Variants in CSMD3 observed in about 807,000 individuals in gnomAD.
CSMD3 encodes the protein CUB and Sushi multiple domains 3.
CSMD3 carries 177 observed loss-of-function variants against 435.2 expected under a neutral mutation model. That is an observed-to-expected ratio of 0.41 (90% CI 0.36 to 0.46). The LOEUF is 0.46. Among genes scored for constraint, CSMD3 ranks in the 20% least tolerant of loss-of-function variants. The pLI, the probability that CSMD3 is intolerant of heterozygous loss-of-function variation, is 0.34. For synonymous variants in CSMD3, 1,656 were observed against 1,520.5 expected (o/e 1.09, Z -2.07); for missense variants, 4,265 against 4,504.6 (o/e 0.95, Z 1.52).
chr8:112,737,642 T>A (rs1228923087), intron 13 of CSMD3, among the ~76,000 whole-genome samples: 1 of 151,858 alleles, frequency 6.6e-6, no homozygotes, highest in Non-Finnish European at 1.5e-5. Context: ...GTTTGAACAA[T>A]AAATCATATT....
intron 3 of CSMD3, among the ~76,000 whole-genome samples, chr8:113,176,473 C>G (rs920497677): frequency 5.3e-5 from 8 of 152,008 alleles, no homozygotes; most frequent in African/African-American, 1.9e-4. Flanking sequence ...AACCCACCAT[C>G]AAAAAAGATT....
chr8:113,348,980 C>A (rs1326031574), intron 1 of CSMD3, among the ~76,000 whole-genome samples: 1 of 151,846 alleles, frequency 6.6e-6, no homozygotes, highest in East Asian at 1.9e-4. Context: ...TACTGGTTTA[C>A]TATTTGGTAT....
chr8:113,291,807 A>C (rs1053917624), intron 2 of CSMD3, among the ~76,000 whole-genome samples: 20 of 152,064 alleles, frequency 1.3e-4, no homozygotes, highest in African/African-American at 4.8e-4. Context: ...TATTCTACAC[A>C]AAAAAACTAA....
intron 1 of CSMD3, among the ~76,000 whole-genome samples, chr8:113,415,933 C>T (rs1563800544): frequency 1.3e-5 from 2 of 152,156 alleles, no homozygotes; most frequent in South Asian, 2.1e-4. Context: ...TTTACATTAA[C>T]TGCTATATGC....
rs201747295 is a variant in CSMD3 at position 113,324,508 on chromosome 8, C to CA, written c.179-9716dup. The stretch of plus-strand genomic sequence containing the variant: ...CCATGTGGTGTTGAGCCTGAGAGTG[C>CA]ACAGAAGTAAAGAACTGGGGTTTGG... On this transcript the variant is annotated intron_variant, in intron 1 of 70. Coordinates refer to ENST00000297405, the MANE Select transcript of CSMD3 (RefSeq NM_198123.2). 1.5e-4 allele frequency among the ~76,000 whole-genome samples: 23 copies of CA among 152,254 alleles called. No homozygotes were observed. The East Asian group carries it at 3.7e-3, about 24-fold the overall frequency.
At chr8:112,705,664 C>A (rs1279132547) in intron 13 of CSMD3, among the ~76,000 whole-genome samples, 1 of 151,956 alleles carries the variant, frequency 6.6e-6, no homozygotes, top group Admixed American at 6.6e-5. Flanking sequence ...ATAATCTCTG[C>A]CCTTAAAAAG....
intron 22 of CSMD3, among the ~76,000 whole-genome samples, chr8:112,587,734 T>C (rs1163901729): frequency 6.6e-6 from 1 of 151,892 alleles, no homozygotes; most frequent in African/African-American, 2.4e-5. Context: ...GGGAATCAAA[T>C]ATTACATTAT....
intron 53 of CSMD3, among the ~76,000 whole-genome samples, chr8:112,298,631 A>T (rs1820575985): frequency 1.3e-5 from 2 of 152,180 alleles, no homozygotes. Flanking sequence ...CCTACAATTC[A>T]TAACAAAAAG....
chr8:112,547,786 C>CAGAG (rs143314530), intron 27 of CSMD3, among the ~76,000 whole-genome samples: 2 of 151,238 alleles, frequency 1.3e-5, no homozygotes, highest in African/African-American at 4.8e-5. Flanking sequence ...TGGAAAGCAG[C>CAGAG]AGAGAGAGAG....
chr8:112,275,876 G>A (rs1309994016), intron 59 of CSMD3, among the ~76,000 whole-genome samples: 1 of 152,056 alleles, frequency 6.6e-6, no homozygotes, highest in Non-Finnish European at 1.5e-5. Flanking sequence ...TTCCAAGCGT[G>A]GCCCCTCACA....
At chr8:112,366,682 G>C (rs1464573107) in intron 38 of CSMD3, among the ~76,000 whole-genome samples, 1 of 152,170 alleles carries the variant, frequency 6.6e-6, no homozygotes, top group Non-Finnish European at 1.5e-5. Flanking sequence ...ACAGGTGTGA[G>C]CCACCACACC....
intron 3 of CSMD3, among the ~76,000 whole-genome samples, chr8:113,184,786 CCT>C (rs2092474379): frequency 6.6e-6 from 1 of 152,000 alleles, no homozygotes; most frequent in Non-Finnish European, 1.5e-5. Context: ...ATAGCTTCAC[CCT>C]GTCAGACATC....
At chr8:112,606,704 T>C (rs1832818260) in intron 22 of CSMD3, among the ~76,000 whole-genome samples, 1 of 152,078 alleles carries the variant, frequency 6.6e-6, no homozygotes, top group African/African-American at 2.4e-5. Flanking sequence ...TTCAACTTAA[T>C]GGTATACAAC....
At chr8:112,743,987 T>A (rs2132068019) in intron 13 of CSMD3, among the ~76,000 whole-genome samples, 1 of 152,082 alleles carries the variant, frequency 6.6e-6, no homozygotes, top group Non-Finnish European at 1.5e-5. Context: ...GAACCTTAAA[T>A]CTATGAAATG....
At chr8:113,414,533 A>T (rs2094573207) in intron 1 of CSMD3, among the ~76,000 whole-genome samples, 1 of 151,914 alleles carries the variant, frequency 6.6e-6, no homozygotes, top group Admixed American at 6.6e-5. Flanking sequence ...TACAAATAAC[A>T]GTGGTGCTCA....
At chr8:113,218,487 C>T (rs1376281452) in intron 3 of CSMD3, among the ~76,000 whole-genome samples, 3 of 146,612 alleles carry the variant, frequency 2.0e-5, no homozygotes, top group Admixed American at 6.8e-5. Flanking sequence ...AAAAAGAATA[C>T]TATGTCATGA....
chr8:113,404,985 A>G (rs1335906162), intron 1 of CSMD3, among the ~76,000 whole-genome samples: 5 of 151,628 alleles, frequency 3.3e-5, no homozygotes, highest in Non-Finnish European at 7.4e-5. Context: ...GGTCAAATTA[A>G]GTCTATGTTG....
intron 10 of CSMD3, among the ~76,000 whole-genome samples, chr8:112,873,668 C>A (rs2081197549): frequency 6.6e-6 from 1 of 151,658 alleles, no homozygotes; most frequent in African/African-American, 2.4e-5. Context: ...TTAAATATAC[C>A]ATTTCTTCTA....
intron 6 of CSMD3, among the ~76,000 whole-genome samples, chr8:112,997,504 C>G (rs552273435): frequency 6.6e-6 from 1 of 151,454 alleles, no homozygotes; most frequent in Non-Finnish European, 1.5e-5. Flanking sequence ...GATCAGGAGG[C>G]AGGTCATTTT....
Sources: allele counts gnomAD v4.1 joint callset (sites outside exome capture counted in the v4.1 genomes callset), GRCh38; gene constraint gnomAD v4.1.1; transcripts MANE v1.5; gene names NCBI Gene and HGNC (gene_info 2026-07-23, HGNC 2026-07-21).